The following MROH2B variants were observed in gnomAD, a reference collection of about 807,000 sequenced individuals.
MROH2B encodes the protein maestro heat like repeat family member 2B.
A neutral mutation model predicts 208.6 loss-of-function variants in MROH2B; 177 were observed. That is an observed-to-expected ratio of 0.85 (90% CI 0.75 to 0.96). MROH2B has a LOEUF of 0.96. Ranked by LOEUF, MROH2B falls within the 40% of genes least tolerant of loss-of-function variation. The pLI, the probability that MROH2B is intolerant of heterozygous loss-of-function variation, is 0.00. For synonymous variants in MROH2B, 728 were observed against 659.0 expected, an observed-to-expected ratio of 1.10 and a Z score of -1.60; for missense variants, 2,002 against 1,878.7, an observed-to-expected ratio of 1.07 and a Z score of -1.21.
intron 24 of MROH2B, among the ~76,000 whole-genome samples, chr5:41,026,977 C>T (rs1002520276): frequency 2.0e-5 from 3 of 152,194 alleles, no homozygotes; most frequent in African/African-American, 4.8e-5. Context: ...GGAAAACTGG[C>T]TAGCCATATG....
At chr5:41,002,851 A>T (rs1741442133) in intron 37 of MROH2B, among the ~76,000 whole-genome samples, 1 of 152,208 alleles carries the variant, frequency 6.6e-6, no homozygotes, top group Non-Finnish European at 1.5e-5. Flanking sequence ...AGGAAACTTA[A>T]CAGCTGGGGT....
At chr5:40,998,245 G>T in intron 41 of MROH2B, 87 bp from the exon 42 acceptor site, 1 of 1,046,474 alleles carries the variant, frequency 9.6e-7, no homozygotes. Context: ...CAACTTTTTA[G>T]CACTGAGGGT....
chr5:41,012,957 A>G (rs1293664093), intron 29 of MROH2B, among the ~76,000 whole-genome samples: 9 of 152,324 alleles, frequency 5.9e-5, no homozygotes, highest in Middle Eastern at 3.4e-3. Context: ...TTATCATTTC[A>G]TATTTATTGA....
intron 3 of MROH2B, 99 bp from the exon 4 acceptor site, chr5:41,065,589 T>C (rs1024203784): frequency 2.2e-5 from 21 of 956,690 alleles, no homozygotes; most frequent in Non-Finnish European, 3.1e-5. Context: ...ATGCATTTAT[T>C]TATTTTTAAA....
At position 41,026,571 on chromosome 5, in the gene MROH2B, T is replaced by C. The variant is rs1034839306; in HGVS notation, c.2441+6171A>G. 7.2e-5 allele frequency among the ~76,000 whole-genome samples: 11 copies of C among 152,328 alleles called. No homozygotes were observed. The East Asian group carries it at 2.1e-3, about 29-fold the overall frequency. On this transcript the variant is annotated intron_variant, in intron 24 of 41. Transcript: ENST00000399564. ...CAAATGGAAGAACATTCCATGCTCA[T>C]GGATAGGAAGAATCAATATCGTGAA...
chr5:41,071,125 T>C lies in MROH2B; in HGVS notation c.-273A>G. ...AAAATGGCTGCATCTCACCAAATAT[T>C]GTCCCTTTGGTGACCAGAGTATTTG... On this transcript the variant is annotated 5_prime_UTR_variant, in exon 1 of 42. Coordinates refer to ENST00000399564, the MANE Select transcript of MROH2B (RefSeq NM_173489.5). 1 of 405,234 alleles carries C rather than the reference T, an allele frequency of 2.5e-6. No homozygotes were observed. The highest frequency in any genetic ancestry group is 4.5e-6 in the Non-Finnish European group (1 of 224,586). The allele number at this position is 405,234 out of a possible 1,614,324, so 25.1% of individuals were successfully genotyped here.
intron 10 of MROH2B, 100 bp downstream of exon 10, chr5:41,055,642 T>A: frequency 1.3e-6 from 1 of 797,854 alleles, no homozygotes; most frequent in Non-Finnish European, 2.1e-6. Context: ...TGATGTTATA[T>A]AAGCATCCAA....
At chr5:41,056,526 C>G (rs1340532106) in intron 9 of MROH2B, among the ~76,000 whole-genome samples, 2 of 152,062 alleles carry the variant, frequency 1.3e-5, no homozygotes, top group Admixed American at 6.6e-5. Flanking sequence ...GCTGTCCCTC[C>G]TCCTCAGGGA....
intron 9 of MROH2B, 100 bp from the exon 10 acceptor site, chr5:41,055,955 C>A (rs764172000): frequency 1.0e-5 from 8 of 796,874 alleles, no homozygotes; most frequent in Non-Finnish European, 1.7e-5. Context: ...TTATCCAAGG[C>A]ACTCTTCAGT....
chr5:41,010,300 A>G (rs1741734548), intron 30 of MROH2B, among the ~76,000 whole-genome samples: 1 of 152,226 alleles, frequency 6.6e-6, no homozygotes, highest in Admixed American at 6.5e-5. Flanking sequence ...GAAAGGGTGT[A>G]TTATGACAGG....
chr5:41,000,650 G>A (rs1438009072), intron 38 of MROH2B, 28 bp downstream of exon 38: 1 of 1,590,690 alleles, frequency 6.3e-7, no homozygotes, highest in Non-Finnish European at 8.5e-7. Context: ...GAGAGCAGGA[G>A]GTGCAGGTGT....
chr5:41,022,328 G>A (rs1365319524), intron 24 of MROH2B, among the ~76,000 whole-genome samples: 1 of 152,192 alleles, frequency 6.6e-6, no homozygotes, highest in Non-Finnish European at 1.5e-5. Context: ...GATGGCACCT[G>A]GAAAATTGGG....
intron 11 of MROH2B, among the ~76,000 whole-genome samples, chr5:41,054,412 A>T (rs1398854876): frequency 6.6e-6 from 1 of 152,228 alleles, no homozygotes; most frequent in African/African-American, 2.4e-5. Context: ...CTGGATGAAG[A>T]TACATTATCT....
intron 28 of MROH2B, 120 bp from the exon 29 acceptor site, chr5:41,015,598 G>A (rs1741920768): frequency 1.6e-5 from 13 of 793,930 alleles, no homozygotes; most frequent in Non-Finnish European, 2.2e-5. Flanking sequence ...GTGAACATAA[G>A]CGCTAACACA....
At chr5:41,048,214 A>T in intron 16 of MROH2B, 110 bp downstream of exon 16, 2 of 1,322,204 alleles carry the variant, frequency 1.5e-6, no homozygotes, top group Non-Finnish European at 2.0e-6. Context: ...TATCAAGTTC[A>T]TCATTTTTAT....
intron 6 of MROH2B, among the ~76,000 whole-genome samples, chr5:41,059,470 T>G (rs1743570276): frequency 6.6e-6 from 1 of 152,218 alleles, no homozygotes; most frequent in Admixed American, 6.5e-5. Flanking sequence ...ATTCTGCCTT[T>G]TCTATCTGAT....
At position 41,047,750 on chromosome 5, in the gene MROH2B, T is replaced by C. The variant is rs534115678; in HGVS notation, c.1699A>G (p.Thr567Ala). The change falls in exon 17 of 42, where the codon ACC becomes GCC. Residue 567 changes from threonine (T) to alanine (A), a missense_variant. Coordinates refer to ENST00000399564, the MANE Select transcript of MROH2B (RefSeq NM_173489.5). ...LQPLEGKNIS[T>A]VLWETMLLQL... ...AGCAGCATGGTTTCCCATAGAACGG[T>C]ACTGATGTTCTTTCCTAGAAACAAA... 1 of 1,593,096 alleles carries C rather than the reference T, an allele frequency of 6.3e-7. No individual in the cohort carries two copies. Among genetic ancestry groups the C allele is most frequent in the Non-Finnish European group, 8.6e-7 (1 of 1,168,880 alleles).
chr5:41,061,644 G>T lies in MROH2B; in HGVS notation c.541C>A (p.Arg181=), dbSNP rs200958096. ...AGCATGAAGATCTTGTCAGACAGTCGGTTGGCATCCAGTCTGGGGTAGGGA... is the reference window on the plus strand; with the variant it reads ...AGCATGAAGATCTTGTCAGACAGTCTGTTGGCATCCAGTCTGGGGTAGGGA... ...DFPYPRLDAN[R]LSDKIFMLFW... is the part of the protein sequence containing the mutation. Residue 181 remains arginine, a synonymous_variant, in exon 6 of 42, where the codon CGA becomes AGA. Coordinates refer to ENST00000399564, the MANE Select transcript of MROH2B (RefSeq NM_173489.5). The T allele has an allele frequency of 1.9e-6, 3 of 1,613,746 alleles. No individual in the cohort carries two copies. Among genetic ancestry groups the T allele is most frequent in the Non-Finnish European group, 2.5e-6 (3 of 1,179,794 alleles).
At position 41,018,680 on chromosome 5, in the gene MROH2B, G is replaced by T. The variant is rs1404541059; in HGVS notation, c.2673+11C>A. 3.2e-5 allele frequency: 52 copies of T among 1,609,238 alleles called. No homozygotes were observed. The highest frequency in any genetic ancestry group is 4.3e-5 in the Non-Finnish European group (50 of 1,175,830). ...AGAATGAGAATCAGTTTGAGTGGAG[G>T]CTCTACTCACATTAAACATTTCTTG... On this transcript the variant is annotated intron_variant, in intron 26 of 41. Coordinates refer to ENST00000399564, the MANE Select transcript of MROH2B (RefSeq NM_173489.5).
Sources: gnomAD v4.1 joint callset for allele counts (sites outside exome capture counted in the v4.1 genomes callset) on GRCh38, gnomAD v4.1.1 for gene constraint, MANE v1.5 for transcripts, NCBI Gene and HGNC (gene_info 2026-07-23, HGNC 2026-07-21) for gene names.